UTP23: variants seen among roughly 807,000 people sequenced by gnomAD.
UTP23 encodes rRNA-processing protein UTP23 homolog.
Under a neutral mutation model 19.8 loss-of-function variants are expected in UTP23, and 10 were observed. That is an observed-to-expected ratio of 0.50 (90% CI 0.31 to 0.86). The LOEUF is 0.86. UTP23 is among the 40% of genes least tolerant of loss of function. UTP23 has a pLI of 0.05. For missense variants in UTP23, 282 were observed against 293.1 expected (o/e 0.96, Z 0.28); for synonymous variants, 108 against 105.4 (o/e 1.02, Z -0.15).
rs572896578 is a variant in UTP23 at position 116,773,804 on chromosome 8, G to A, written c.*1962G>A. 139 of 687,018 alleles carry A rather than the reference G, an allele frequency of 2.0e-4. No individual in the cohort carries two copies. The highest frequency in any genetic ancestry group is 1.1e-4 in the Non-Finnish European group (61 of 557,876). 42.6% of individuals were successfully genotyped at this position (687,018 alleles called of 1,614,324 possible). A position where few individuals can be genotyped will look rare whatever the true frequency, so the allele number is the denominator to read the frequency against. ...CAGCCTGGTGAGAGAGTGAAACCCC[G>A]TCTCAAAAATAAATAAATAAATAAG... On this transcript the variant is annotated 3_prime_UTR_variant, in exon 3 of 3. Transcript: ENST00000309822.
At position 116,772,845 on chromosome 8, in the gene UTP23, G is replaced by C. The variant is rs1815677494; in HGVS notation, c.*1003G>C. The stretch of plus-strand genomic sequence containing the variant: ...CGGCAATTGTTTTAGTCATTTATCA[G>C]GCCAAAATTAAAATGTTTTTGTACT... On this transcript the variant is annotated 3_prime_UTR_variant, in exon 3 of 3. Transcript: ENST00000309822. The C allele has an allele frequency of 1.0e-6, 1 of 985,206 alleles. No homozygotes were observed. The highest frequency in any genetic ancestry group is 4.7e-5 in the South Asian group (1 of 21,284). 61.0% of individuals were successfully genotyped at this position (985,206 alleles called of 1,614,324 possible). A position where few individuals can be genotyped will look rare whatever the true frequency, so the allele number is the denominator to read the frequency against.
chr8:116,772,085 G>T lies in UTP23; in HGVS notation c.*243G>T. On this transcript the variant is annotated 3_prime_UTR_variant, in exon 3 of 3. Transcript: ENST00000309822. ...TAATTCCAGCTACTCAGGAGGCTGAGGCATGAGAATCGCTTGAACCTGGGA... is the reference window on the plus strand; with the variant it reads ...TAATTCCAGCTACTCAGGAGGCTGATGCATGAGAATCGCTTGAACCTGGGA... The T allele has an allele frequency of 8.9e-7, 1 of 1,122,320 alleles. No individual in the cohort carries two copies. The highest frequency in any genetic ancestry group is 3.7e-5 in the South Asian group (1 of 27,202). The allele number at this position is 1,122,320 out of a possible 1,614,324, so 69.5% of individuals were successfully genotyped here.
At position 116,773,305 on chromosome 8, in the gene UTP23, A is replaced by AGTGTAGAC; in HGVS notation, c.*1464_*1471dup. On this transcript the variant is annotated 3_prime_UTR_variant, in exon 3 of 3. Transcript: ENST00000309822. The stretch of plus-strand genomic sequence containing the variant: ...GACAAGCATTAAGGCCACCTAATAA[A>AGTGTAGAC]GTGTAGACAAAGTGATAAATGAAAT... The AGTGTAGAC allele has an allele frequency of 1.0e-6, 1 of 985,252 alleles. No homozygotes were observed. Among genetic ancestry groups the AGTGTAGAC allele is most frequent in the South Asian group, 4.7e-5 (1 of 21,284 alleles). 61.0% of individuals were successfully genotyped at this position (985,252 alleles called of 1,614,324 possible).
At chr8:116,771,097 C>T (rs576350951) in intron 2 of UTP23, among the ~76,000 whole-genome samples, 3 of 152,298 alleles carry the variant, frequency 2.0e-5, no homozygotes, top group East Asian at 3.9e-4. Flanking sequence ...TAGCTAATTA[C>T]TACCCAGTTT....
chr8:116,770,165 T>G, intron 1 of UTP23, 27 bp from the exon 2 acceptor site: 2 of 1,539,344 alleles, frequency 1.3e-6, no homozygotes, highest in Non-Finnish European at 1.8e-6. Flanking sequence ...ACAAGTGAAA[T>G]GTATCTGCTA....
intron 1 of UTP23, among the ~76,000 whole-genome samples, chr8:116,768,682 T>A (rs1184751087): frequency 6.6e-6 from 1 of 152,214 alleles, no homozygotes; most frequent in Non-Finnish European, 1.5e-5. Context: ...AATTTATTTT[T>A]GAGATGGAGT....
At position 116,773,890 on chromosome 8, in the gene UTP23, A is replaced by C; in HGVS notation, c.*2048A>C. On this transcript the variant is annotated 3_prime_UTR_variant, in exon 3 of 3. Coordinates refer to ENST00000309822, the MANE Select transcript of UTP23 (RefSeq NM_032334.3). ...TTTGCCAGTAAAATTACTTTAAAAG[A>C]TATTTTAACAAAAGTCTCATATCCT... 1.1e-6 allele frequency: 1 copy of C among 940,436 alleles called. No individual in the cohort carries two copies. Among genetic ancestry groups the C allele is most frequent in the Non-Finnish European group, 1.3e-6 (1 of 789,100 alleles). 58.3% of individuals were successfully genotyped at this position (940,436 alleles called of 1,614,324 possible). A position where few individuals can be genotyped will look rare whatever the true frequency, so the allele number is the denominator to read the frequency against.
In UTP23 at chr8:116,772,382, T is replaced by C. The variant is rs1289463772; in HGVS notation, c.*540T>C. 1.0e-6 allele frequency: 1 copy of C among 976,856 alleles called. No individual in the cohort carries two copies. The highest frequency in any genetic ancestry group is 1.8e-5 in the African/African-American group (1 of 57,052). 60.5% of individuals were successfully genotyped at this position (976,856 alleles called of 1,614,324 possible). A position where few individuals can be genotyped will look rare whatever the true frequency, so the allele number is the denominator to read the frequency against. On this transcript the variant is annotated 3_prime_UTR_variant, in exon 3 of 3. Coordinates refer to ENST00000309822, the MANE Select transcript of UTP23 (RefSeq NM_032334.3). ...GACAAAAAAAGAGGCAGTCCCTCTT[T>C]CACATTGACAGAAGAAACTTCCTCT...
In UTP23 at chr8:116,771,771, AAAAG is replaced by A. The variant is rs1293681417; in HGVS notation, c.683_686del (p.Arg228LysfsTer54). 4 of 1,606,498 alleles carry A rather than the reference AAAAG, an allele frequency of 2.5e-6. No homozygotes were observed. The highest frequency in any genetic ancestry group is 3.4e-6 in the Non-Finnish European group (4 of 1,178,446). On this transcript the variant is annotated frameshift_variant, in exon 3 of 3. Coordinates refer to ENST00000309822, the MANE Select transcript of UTP23 (RefSeq NM_032334.3). LOFTEE classifies it high-confidence loss of function. ...ATCATCTGCTTCTGAAAAGAAAAGA[AAAAG>A]AAAAAGAATTCGGAACAGATCTAAC...
chr8:116,770,293 C>T lies in UTP23; in HGVS notation c.290C>T (p.Ala97Val), dbSNP rs1277707194. 1 of 1,614,050 alleles carries T rather than the reference C, an allele frequency of 6.2e-7. No individual in the cohort carries two copies. The highest frequency in any genetic ancestry group is 8.5e-7 in the Non-Finnish European group (1 of 1,179,944). ...QVRNCPHFKN[A>V]VSGSECLLSM... ...CGAAATTGTCCTCATTTCAAGAATG[C>T]AGTGAGTGGATCAGAATGTCTGCTT... Residue 97 changes from alanine (A) to valine (V), a missense_variant, in exon 2 of 3, where the codon GCA becomes GTA. Physicochemically the swap from Ala to Val is moderately conservative, Grantham distance 64 (BLOSUM62 0). Transcript: ENST00000309822.
rs765709046 is a variant in UTP23, at chr8:116,770,218, T to C, written c.215T>C (p.Leu72Ser). ...TRCVLKELET[L>S]GKDLYGAKLI... is the part of the protein sequence containing the mutation. ...TGTGTGTTAAAAGAGCTAGAAACAT[T>C]GGGAAAGGACTTATATGGGGCAAAA... Residue 72 changes from leucine (L) to serine (S), a missense_variant, in exon 2 of 3, where the codon TTG (leucine) becomes TCG (serine). By Grantham distance (145) the Leu-to-Ser change is moderately radical (BLOSUM62 -2). Transcript: ENST00000309822. 1 of 1,611,730 alleles carries C rather than the reference T, an allele frequency of 6.2e-7. No homozygotes were observed. The highest frequency in any genetic ancestry group is 1.1e-5 in the South Asian group (1 of 90,816).
chr8:116,773,070 G>C lies in UTP23; in HGVS notation c.*1228G>C. 1 of 985,268 alleles carries C rather than the reference G, an allele frequency of 1.0e-6. No individual in the cohort carries two copies. Among genetic ancestry groups the C allele is most frequent in the Non-Finnish European group, 1.2e-6 (1 of 829,864 alleles). The allele number at this position is 985,268 out of a possible 1,614,324, so 61.0% of individuals were successfully genotyped here. On this transcript the variant is annotated 3_prime_UTR_variant, in exon 3 of 3. Transcript: ENST00000309822. ...GAAATGTCATTCTCATTTGAATTCA[G>C]AGATACTTCTTTGCTGGAAGTTGGA...
rs1019589302 is a variant in UTP23, at chr8:116,774,439, T to C, written c.*2597T>C. ...CTAGTTTTTTATAGGTGGATAGAAA[T>C]GAATAGTTTGGAGTCTTTAAAATGT... On this transcript the variant is annotated 3_prime_UTR_variant, in exon 3 of 3. Coordinates refer to ENST00000309822, the MANE Select transcript of UTP23 (RefSeq NM_032334.3). 2.0e-6 allele frequency: 2 copies of C among 982,134 alleles called. No individual in the cohort carries two copies. Among genetic ancestry groups the C allele is most frequent in the African/African-American group, 3.5e-5 (2 of 57,136 alleles). 60.8% of individuals were successfully genotyped at this position (982,134 alleles called of 1,614,324 possible). A position where few individuals can be genotyped will look rare whatever the true frequency, so the allele number is the denominator to read the frequency against.
At position 116,772,148 on chromosome 8, in the gene UTP23, C is replaced by T. The variant is rs1815666205; in HGVS notation, c.*306C>T. On this transcript the variant is annotated 3_prime_UTR_variant, in exon 3 of 3. Transcript: ENST00000309822. ...AGTGAGCCCAGTTCGTGTCACTTCACTCCAGCCTGGGCAACAGAGTGAGAA... is the reference window on the plus strand; with the variant it reads ...AGTGAGCCCAGTTCGTGTCACTTCATTCCAGCCTGGGCAACAGAGTGAGAA... The T allele has an allele frequency of 9.6e-7, 1 of 1,040,088 alleles. No homozygotes were observed. The highest frequency in any genetic ancestry group is 1.2e-6 in the Non-Finnish European group (1 of 865,890). The allele number at this position is 1,040,088 out of a possible 1,614,324, so 64.4% of individuals were successfully genotyped here.
rs775320751 is a variant in UTP23 at position 116,770,293 on chromosome 8, C to CA, written c.291dup (p.Val98SerfsTer12). On this transcript the variant is annotated frameshift_variant, in exon 2 of 3. Transcript: ENST00000309822. LOFTEE classifies it high-confidence loss of function. ...CGAAATTGTCCTCATTTCAAGAATG[C>CA]AGTGAGTGGATCAGAATGTCTGCTT... 6.2e-7 allele frequency: 1 copy of CA among 1,614,050 alleles called. No homozygotes were observed. Among genetic ancestry groups the CA allele is most frequent in the East Asian group, 2.2e-5 (1 of 44,852 alleles).
chr8:116,770,268 C>T lies in UTP23; in HGVS notation c.265C>T (p.Arg89Ter), dbSNP rs754570586. Residue 89 changes from arginine to a stop codon, truncating the protein, a stop_gained, in exon 2 of 3, where the codon CGA (arginine) becomes TGA (stop). Coordinates refer to ENST00000309822, the MANE Select transcript of UTP23 (RefSeq NM_032334.3). LOFTEE classifies it high-confidence loss of function. ...AKLIAQKCQV[R>*]NCPHFKNAVS... ...ACTGATTGCACAAAAATGCCAAGTTCGAAATTGTCCTCATTTCAAGAATGC... is the reference window on the plus strand; with the variant it reads ...ACTGATTGCACAAAAATGCCAAGTTTGAAATTGTCCTCATTTCAAGAATGC... 4 of 1,613,986 alleles carry T rather than the reference C, an allele frequency of 2.5e-6. No individual in the cohort carries two copies. Among genetic ancestry groups the T allele is most frequent in the South Asian group, 1.1e-5 (1 of 91,074 alleles).
Position 116,766,748 on chromosome 8 carries a change from C to G in UTP23, c.145C>G (p.Leu49Val), listed in dbSNP as rs1378004140. ...GGGCCGCATCCAGCTGCGGGAGCAGCTGCCCCGCTACCTCATGGGGGAGAC... is the reference window on the plus strand; with the variant it reads ...GGGCCGCATCCAGCTGCGGGAGCAGGTGCCCCGCTACCTCATGGGGGAGAC... ...LRGRIQLREQ[L>V]PRYLMGETQL... Residue 49 changes from leucine to valine, a missense_variant, in exon 1 of 3, where the codon CTG becomes GTG. By Grantham distance (32) the Leu-to-Val change is conservative (BLOSUM62 1). Transcript: ENST00000309822. 4 of 1,597,224 alleles carry G rather than the reference C, an allele frequency of 2.5e-6. No individual in the cohort carries two copies. In the African/African-American group the frequency reaches 4.0e-5, roughly 16 times the overall value.
rs1167401783 is a variant in UTP23, at chr8:116,774,667, A to C, written c.*2825A>C. On this transcript the variant is annotated 3_prime_UTR_variant, in exon 3 of 3. Transcript: ENST00000309822. ...TTGATGTATTTTGCCGGTAAAATTA[A>C]AAGATATTTTAACAAAAGTCTCATC... The C allele has an allele frequency of 1.2e-6, 1 of 836,854 alleles. No homozygotes were observed. The highest frequency in any genetic ancestry group is 1.9e-5 in the African/African-American group (1 of 53,980). 51.8% of individuals were successfully genotyped at this position (836,854 alleles called of 1,614,324 possible).
Position 116,771,711 on chromosome 8 carries a change from T to G in UTP23, c.619T>G (p.Cys207Gly), listed in dbSNP as rs141871346. 6.2e-7 allele frequency: 1 copy of G among 1,612,864 alleles called. No individual in the cohort carries two copies. Among genetic ancestry groups the G allele is most frequent in the Non-Finnish European group, 8.5e-7 (1 of 1,179,830 alleles). Residue 207 changes from cysteine to glycine, a missense_variant, in exon 3 of 3, where the codon TGT becomes GGT. Physicochemically the swap from Cys to Gly is radical, Grantham distance 159 (BLOSUM62 -3). Transcript: ENST00000309822. ...AATAAGTGGTCCCAATCCTCTTAGT[T>G]GTTTGAAGAAAAAGAAAAAGGCACC... Reference protein sequence around the residue: ...KKISGPNPLSCLKKKKKAPDT... With the variant: ...KKISGPNPLSGLKKKKKAPDT...
Sources: allele counts gnomAD v4.1 joint callset (sites outside exome capture counted in the v4.1 genomes callset), GRCh38; gene constraint gnomAD v4.1.1; transcripts MANE v1.5; gene names NCBI Gene and HGNC (gene_info 2026-07-23, HGNC 2026-07-21).